EP300: variants seen among roughly 807,000 people sequenced by gnomAD.
EP300 encodes EP300 lysine acetyltransferase, also known as histone acetyltransferase p300.
A neutral mutation model predicts 264.0 loss-of-function variants in EP300; 31 were observed. That is an observed-to-expected ratio of 0.12 (90% CI 0.09 to 0.16). EP300 has a LOEUF of 0.16. EP300 is among the 10% of genes least tolerant of loss of function. EP300 has a pLI of 1.00. For missense variants in EP300, 2,766 were observed against 3,052.9 expected (o/e 0.91, Z 2.21); for synonymous variants, 1,340 against 1,045.4 (o/e 1.28, Z -5.44).
chr22:41,125,902 A>G lies in EP300; in HGVS notation c.768A>G (p.Pro256=), dbSNP rs368954293. Residue 256 remains proline (P), a synonymous_variant, in exon 3 of 31, where the codon CCA becomes CCG. Transcript: ENST00000263253. ...MMNNPNPYGS[P]YTQNPGQQIG... ...ACAACCCCAATCCTTATGGTTCACC[A>G]TATACTCAGAATCCTGGACAGCAGA... The G allele has an allele frequency of 3.1e-6, 5 of 1,614,092 alleles. No individual in the cohort carries two copies. Among genetic ancestry groups the G allele is most frequent in the East Asian group, 2.2e-5 (1 of 44,894 alleles).
chr22:41,115,202 G>C (rs919075318), intron 1 of EP300, among the ~76,000 whole-genome samples: 10 of 152,154 alleles, frequency 6.6e-5, no homozygotes, highest in African/African-American at 2.2e-4. Flanking sequence ...GGTCAATCAG[G>C]AGTAATTTTC....
At chr22:41,126,366 G>C (rs1448974528) in intron 3 of EP300, 11 of 246,470 alleles carry the variant, frequency 4.5e-5, no homozygotes, top group Admixed American at 1.0e-4. Context: ...TTTCACTTTT[G>C]GGGGAAGGAA....
chr22:41,174,221 A>G (rs2059187275), intron 29 of EP300, among the ~76,000 whole-genome samples: 1 of 152,144 alleles, frequency 6.6e-6, no homozygotes, highest in Non-Finnish European at 1.5e-5. Flanking sequence ...ACTTGAGGTC[A>G]GGAGTTGGAG....
intron 2 of EP300, among the ~76,000 whole-genome samples, chr22:41,123,665 T>G (rs2058864539): frequency 6.6e-6 from 1 of 152,220 alleles, no homozygotes; most frequent in African/African-American, 2.4e-5. Flanking sequence ...CTTGAGTTAT[T>G]CTGAGTGTTT....
At chr22:41,157,653 G>A (rs2059084907) in intron 18 of EP300, among the ~76,000 whole-genome samples, 1 of 151,572 alleles carries the variant, frequency 6.6e-6, no homozygotes, top group Non-Finnish European at 1.5e-5. Flanking sequence ...GAGCAGCTGG[G>A]ACTACAGCCG....
At chr22:41,159,962 C>T (rs533039685) in intron 19 of EP300, 23 of 148,122 alleles carry the variant, frequency 1.6e-4, no homozygotes, top group African/African-American at 5.5e-4. Flanking sequence ...GTATGAGCCA[C>T]CACGCCTGGC....
At position 41,167,821 on chromosome 22, in the gene EP300, T is replaced by G. The variant is rs1294073867; in HGVS notation, c.3875-628T>G. Among the ~76,000 whole-genome samples, 9 of 35,696 alleles carry G rather than the reference T, an allele frequency of 2.5e-4. No individual in the cohort carries two copies. In the South Asian group the frequency reaches 8.6e-3, roughly 34 times the overall value. The allele number at this position is 35,696 out of a possible 152,430, so 23.4% of individuals were successfully genotyped here. ...CTATTTCTGTTTGTTTTTGTTTTTT[T>G]TTTTGTTTTTTTTTTTTTTTTTTTT... On this transcript the variant is annotated intron_variant, in intron 23 of 30. Coordinates refer to ENST00000263253, the MANE Select transcript of EP300 (RefSeq NM_001429.4).
In EP300 at chr22:41,177,141, G is replaced by A. The variant is rs1363205113; in HGVS notation, c.5430G>A (p.Lys1810=). ...CGGTGCCGTTCTGCCTAAACATCAAGCAGAAGCTCCGGCAGCAACAGCTGC... is the reference window on the plus strand; with the variant it reads ...CGGTGCCGTTCTGCCTAAACATCAAACAGAAGCTCCGGCAGCAACAGCTGC... ...KCPVPFCLNI[K]QKLRQQQLQH... is the part of the protein sequence containing the mutation. The change falls in exon 31 of 31, where the codon AAG becomes AAA. Residue 1810 remains lysine (K), a synonymous_variant. Transcript: ENST00000263253. 13 of 1,613,954 alleles carry A rather than the reference G, an allele frequency of 8.1e-6. No individual in the cohort carries two copies. The highest frequency in any genetic ancestry group is 1.3e-5 in the African/African-American group (1 of 74,874).
chr22:41,098,016 ACTTTT>A (rs1162571700), intron 1 of EP300, among the ~76,000 whole-genome samples: 1 of 150,664 alleles, frequency 6.6e-6, no homozygotes, highest in Non-Finnish European at 1.5e-5. Context: ...TTTTTTTAAT[ACTTTT>A]AAGTTTTAGG....
At chr22:41,150,886 G>C (rs944721810) in intron 14 of EP300, among the ~76,000 whole-genome samples, 2 of 144,684 alleles carry the variant, frequency 1.4e-5, no homozygotes, top group Non-Finnish European at 3.0e-5. Context: ...GTGAAACTCC[G>C]TCTAAAAAAA....
At chr22:41,166,561 A>T in intron 22 of EP300, 38 bp from the exon 23 acceptor site, 2 of 1,540,018 alleles carry the variant, frequency 1.3e-6, no homozygotes, top group East Asian at 4.5e-5. Context: ...TCAACGGTTT[A>T]TCTAAGTTGT....
Position 41,140,122 on chromosome 22 carries a change from A to G in EP300, c.1761-18A>G. ...AATGCTGACATGATATTACAGTGGT[A>G]GGATTTTCTTTTTCCAGCGTCCAAG... On this transcript the variant is annotated intron_variant, in intron 8 of 30. Coordinates refer to ENST00000263253, the MANE Select transcript of EP300 (RefSeq NM_001429.4). The G allele has an allele frequency of 6.5e-7, 1 of 1,535,716 alleles. No individual in the cohort carries two copies. The highest frequency in any genetic ancestry group is 9.0e-7 in the Non-Finnish European group (1 of 1,108,672).
At chr22:41,116,511 C>T (rs1022822245) in intron 1 of EP300, among the ~76,000 whole-genome samples, 5 of 152,194 alleles carry the variant, frequency 3.3e-5, no homozygotes, top group African/African-American at 1.2e-4. Context: ...TTCCAGGCTT[C>T]ATCCTTGTCC....
chr22:41,147,638 T>C (rs1263712676), intron 11 of EP300, among the ~76,000 whole-genome samples, 199 bp from the exon 12 acceptor site: 1 of 151,744 alleles, frequency 6.6e-6, no homozygotes, highest in Non-Finnish European at 1.5e-5. Flanking sequence ...CTCAGGAGGC[T>C]GAGGCAGGAG....
At chr22:41,145,806 T>G (rs934100141) in intron 10 of EP300, among the ~76,000 whole-genome samples, 4 of 151,760 alleles carry the variant, frequency 2.6e-5, no homozygotes, top group Admixed American at 6.6e-5. Flanking sequence ...CCGGCTATTT[T>G]TTTGTATTTT....
At chr22:41,121,177 AAGAAT>A (rs2058850264) in intron 2 of EP300, among the ~76,000 whole-genome samples, 1 of 152,092 alleles carries the variant, frequency 6.6e-6, no homozygotes, top group African/African-American at 2.4e-5. Flanking sequence ...TCAAAAAAGA[AAGAAT>A]AGTTGTCTGC....
At chr22:41,145,926 T>C (rs1478678749) in intron 10 of EP300, among the ~76,000 whole-genome samples, 2 of 152,030 alleles carry the variant, frequency 1.3e-5, no homozygotes, top group East Asian at 3.9e-4. Flanking sequence ...ATTTTATTTT[T>C]TTAAGAATTA....
intron 1 of EP300, among the ~76,000 whole-genome samples, chr22:41,110,327 A>G (rs1225261804): frequency 4.6e-5 from 4 of 86,988 alleles, no homozygotes; most frequent in Non-Finnish European, 8.2e-5. Context: ...TTTTGAGACA[A>G]AGTCTCACTC....
intron 10 of EP300, among the ~76,000 whole-genome samples, chr22:41,145,857 G>T (rs1440054100): frequency 1.3e-5 from 2 of 151,742 alleles, no homozygotes; most frequent in Admixed American, 6.6e-5. Context: ...GGATGGTCTC[G>T]ATCTCCTGAC....
Sources: allele counts gnomAD v4.1 joint callset (sites outside exome capture counted in the v4.1 genomes callset), GRCh38; gene constraint gnomAD v4.1.1; transcripts MANE v1.5; gene names NCBI Gene and HGNC (gene_info 2026-07-23, HGNC 2026-07-21).